PRPSAP2: variants seen among roughly 807,000 people sequenced by gnomAD.
PRPSAP2 encodes phosphoribosyl pyrophosphate synthase-associated protein 2.
In PRPSAP2, 24 loss-of-function variants were observed where a neutral mutation model predicts 40.6. The observed-to-expected ratio is 0.59, with a 90% CI of 0.43 to 0.83. The LOEUF is 0.83. PRPSAP2 is among the 40% of genes least tolerant of loss of function. The pLI is 0.00. For synonymous variants in PRPSAP2, 149 were observed against 164.7 expected (o/e 0.90, Z 0.73); for missense variants, 292 against 465.6 (o/e 0.63, Z 3.43).
chr17:18,917,234 A>G (rs538993115), intron 9 of PRPSAP2, among the ~76,000 whole-genome samples: 4 of 152,060 alleles, frequency 2.6e-5, no homozygotes, highest in Non-Finnish European at 5.9e-5. Context: ...CAGATGAGGA[A>G]GAGGAAAGGC....
intron 5 of PRPSAP2, 60 bp from the exon 6 acceptor site, chr17:18,877,638 T>C: frequency 6.7e-7 from 1 of 1,489,902 alleles, no homozygotes; most frequent in Non-Finnish European, 9.1e-7. Flanking sequence ...TGACACTTTT[T>C]GGAACAGGGA....
At chr17:18,882,806 C>A (rs2038858688) in intron 7 of PRPSAP2, 123 bp downstream of exon 7, 3 of 650,272 alleles carry the variant, frequency 4.6e-6, no homozygotes, top group Non-Finnish European at 5.4e-6. Context: ...TACCATTATA[C>A]TTTATAGCTA....
At chr17:18,898,067 T>C (rs8074020) in intron 8 of PRPSAP2, among the ~76,000 whole-genome samples, 81,827 of 149,046 alleles carry the variant, frequency 0.55, 22,846 homozygotes, top group African/African-American at 0.61. Context: ...GGTGCAATCT[T>C]AGCTCTTGGT....
intron 8 of PRPSAP2, among the ~76,000 whole-genome samples, chr17:18,901,787 C>G (rs765152373): frequency 6.6e-6 from 1 of 151,772 alleles, no homozygotes; most frequent in Non-Finnish European, 1.5e-5. Flanking sequence ...TGTTTTGATA[C>G]TTTTTTTTCC....
intron 7 of PRPSAP2, among the ~76,000 whole-genome samples, chr17:18,886,869 A>G (rs2039185275): frequency 1.3e-5 from 2 of 151,382 alleles, no homozygotes; most frequent in South Asian, 2.1e-4. Flanking sequence ...TGAATATCAA[A>G]TTATACTCTG....
intron 5 of PRPSAP2, among the ~76,000 whole-genome samples, chr17:18,874,067 C>T (rs1003830512): frequency 1.3e-5 from 2 of 152,066 alleles, no homozygotes; most frequent in African/African-American, 4.8e-5. Flanking sequence ...AGCATGCTCA[C>T]CTCGTTTTTT....
At chr17:18,871,616 T>C (rs1352297682) in intron 4 of PRPSAP2, among the ~76,000 whole-genome samples, 1 of 151,986 alleles carries the variant, frequency 6.6e-6, no homozygotes, top group East Asian at 1.9e-4. Flanking sequence ...ACATTCTGAA[T>C]TGATAATTGA....
At chr17:18,908,630 G>A in intron 8 of PRPSAP2, 1 of 722,302 alleles carries the variant, frequency 1.4e-6, no homozygotes, top group Non-Finnish European at 2.6e-6. Flanking sequence ...GCCTGGGTCT[G>A]GAACACCCAC....
In PRPSAP2 at chr17:18,877,830, C is replaced by T; in HGVS notation, c.372C>T (p.Ser124=). 8 of 1,613,216 alleles carry T rather than the reference C, an allele frequency of 5.0e-6. No homozygotes were observed. Among genetic ancestry groups the T allele is most frequent in the Non-Finnish European group, 6.8e-6 (8 of 1,179,668 alleles). ...SKQCKMRKRG[S]IVSKLLASMM... ...AGTGCAAGATGAGAAAAAGAGGCTC[C>T]ATTGTCTCTAAATTGCTGGCTTCCA... Residue 124 remains serine (S), a synonymous_variant, in exon 6 of 12, where the codon TCC becomes TCT. Transcript: ENST00000268835.
chr17:18,909,926 G>A (rs1025124659), intron 8 of PRPSAP2, among the ~76,000 whole-genome samples: 1 of 152,026 alleles, frequency 6.6e-6, no homozygotes, highest in African/African-American at 2.4e-5. Context: ...GAAAGCATGT[G>A]CCCATACAGA....
intron 8 of PRPSAP2, chr17:18,908,239 A>G (rs2040723613): frequency 1.4e-6 from 1 of 738,054 alleles, no homozygotes; most frequent in Non-Finnish European, 2.5e-6. Context: ...CCTTGAAGCC[A>G]GTGACGACCC....
chr17:18,929,892 C>T (rs2042169525), intron 11 of PRPSAP2: 1 of 152,156 alleles, frequency 6.6e-6, no homozygotes, highest in African/African-American at 2.4e-5. Context: ...ACTGCCAGGT[C>T]ATACAGTAAC....
chr17:18,908,137 C>T (rs2040714952), intron 8 of PRPSAP2: 10 of 559,082 alleles, frequency 1.8e-5, no homozygotes, highest in South Asian at 6.1e-5. Flanking sequence ...CCAGCCTGGG[C>T]GACAGAGCAA....
chr17:18,888,655 A>C (rs1597617338), intron 7 of PRPSAP2, among the ~76,000 whole-genome samples: 1 of 23,892 alleles, frequency 4.2e-5, no homozygotes, highest in Admixed American at 3.7e-4. Context: ...AGGGGGGCTG[A>C]CCCCCCCCAC....
intron 8 of PRPSAP2, chr17:18,905,182 C>G (rs534032801): frequency 6.6e-6 from 1 of 152,108 alleles, no homozygotes; most frequent in African/African-American, 2.4e-5. Flanking sequence ...TGCCACCATG[C>G]CTGGGTAATT....
At chr17:18,903,237 G>A (rs1006840867) in intron 8 of PRPSAP2, among the ~76,000 whole-genome samples, 5 of 151,696 alleles carry the variant, frequency 3.3e-5, no homozygotes, top group African/African-American at 4.9e-5. Flanking sequence ...GCTTGAACCC[G>A]GGAGGCGGAG....
At chr17:18,913,940 C>A (rs2151957094) in intron 9 of PRPSAP2, among the ~76,000 whole-genome samples, 1 of 151,662 alleles carries the variant, frequency 6.6e-6, no homozygotes, top group African/African-American at 2.4e-5. Context: ...CTTTGGGAGG[C>A]CGAGGCAGGT....
intron 8 of PRPSAP2, among the ~76,000 whole-genome samples, chr17:18,903,294 A>G (rs1384046164): frequency 6.6e-6 from 1 of 151,606 alleles, no homozygotes; most frequent in Non-Finnish European, 1.5e-5. Context: ...CCTAGGCAAC[A>G]AGAGCAAAAC....
chr17:18,919,147 C>T (rs1231453150), intron 9 of PRPSAP2, among the ~76,000 whole-genome samples: 1 of 152,090 alleles, frequency 6.6e-6, no homozygotes, highest in Non-Finnish European at 1.5e-5. Context: ...GGAAGGTTTG[C>T]TTGAGCCCAG....
Sources: allele counts gnomAD v4.1 joint callset (sites outside exome capture counted in the v4.1 genomes callset), GRCh38; gene constraint gnomAD v4.1.1; transcripts MANE v1.5; gene names NCBI Gene and HGNC (gene_info 2026-07-23, HGNC 2026-07-21).